The following SH3GL3 variants were observed in gnomAD, a reference collection of about 807,000 sequenced individuals.
SH3GL3 encodes SH3 domain containing GRB2 like 3, endophilin A3.
Under a neutral mutation model 47.7 loss-of-function variants are expected in SH3GL3, and 33 were observed. The ratio of observed to expected loss-of-function variants is 0.69; its 90% CI spans 0.52 to 0.92. SH3GL3 has a LOEUF of 0.92. Among genes scored for constraint, SH3GL3 ranks in the 40% least tolerant of loss-of-function variants. The pLI is 0.00. For missense variants in SH3GL3, 363 were observed against 417.8 expected, an observed-to-expected ratio of 0.87 and a Z score of 1.14; for synonymous variants, 155 against 148.8, an observed-to-expected ratio of 1.04 and a Z score of -0.30.
chr15:83,475,919 T>C (rs987529701), intron 1 of SH3GL3, among the ~76,000 whole-genome samples: 3 of 152,230 alleles, frequency 2.0e-5, no homozygotes, highest in African/African-American at 7.2e-5. Flanking sequence ...AGTAAGGATT[T>C]CTAAACATTT....
At chr15:83,581,508 A>T (rs1030077570) in intron 6 of SH3GL3, among the ~76,000 whole-genome samples, 1 of 152,200 alleles carries the variant, frequency 6.6e-6, no homozygotes, top group African/African-American at 2.4e-5. Flanking sequence ...TGCAGAGACC[A>T]CAAAGCCAGA....
rs551099898 is a variant in SH3GL3, at chr15:83,448,664, A to T, written c.45+1086A>T. 6.6e-5 allele frequency among the ~76,000 whole-genome samples: 10 copies of T among 152,230 alleles called. No homozygotes were observed. The South Asian group carries it at 1.9e-3, about 28-fold the overall frequency. On this transcript the variant is annotated intron_variant, in intron 1 of 8. Coordinates refer to ENST00000427482, the MANE Select transcript of SH3GL3 (RefSeq NM_003027.5). This position sits in a 1 kb window ranked among gnomAD's most constrained non-coding sequence, Gnocchi z 4.2. The stretch of plus-strand genomic sequence containing the variant: ...GGTAGACAGATTTCATTCAACGTCC[A>T]CATTTGTGGTGAGGTCTCATCCTGC...
rs1162132813 is a variant in SH3GL3, at chr15:83,447,505, CCA to C, written c.-27_-26del. ...CGCGTGGCCCAGCCGAGCCTTGAGACCACCCCGCCCCTGCCGGTCGCAGTCGC... is the reference window on the plus strand; with the variant it reads ...CGCGTGGCCCAGCCGAGCCTTGAGACCCCCGCCCCTGCCGGTCGCAGTCGC... On this transcript the variant is annotated 5_prime_UTR_variant, in exon 1 of 9. Coordinates refer to ENST00000427482, the MANE Select transcript of SH3GL3 (RefSeq NM_003027.5). The surrounding 1 kb of genome is among the most constrained non-coding windows in gnomAD (Gnocchi z 5.1). The C allele has an allele frequency of 6.7e-7, 1 of 1,492,270 alleles. No homozygotes were observed. The highest frequency in any genetic ancestry group is 1.5e-5 in the African/African-American group (1 of 68,574). 92.4% of individuals were successfully genotyped at this position (1,492,270 alleles called of 1,614,324 possible). A position where few individuals can be genotyped will look rare whatever the true frequency, so the allele number is the denominator to read the frequency against.
chr15:83,447,610 G>A lies in SH3GL3; in HGVS notation c.45+32G>A, dbSNP rs1276878334. The A allele has an allele frequency of 6.9e-7, 1 of 1,457,690 alleles. No homozygotes were observed. Among genetic ancestry groups the A allele is most frequent in the African/African-American group, 1.5e-5 (1 of 68,042 alleles). The allele number at this position is 1,457,690 out of a possible 1,614,324, so 90.3% of individuals were successfully genotyped here. A position where few individuals can be genotyped will look rare whatever the true frequency, so the allele number is the denominator to read the frequency against. ...AGGCGCAGAGGAGGGAAGGAGGGAG[G>A]GGGACGCGGAGGCTGCGGCCCCCCG... On this transcript the variant is annotated intron_variant, in intron 1 of 8. Coordinates refer to ENST00000427482, the MANE Select transcript of SH3GL3 (RefSeq NM_003027.5). The surrounding 1 kb of genome is among the most constrained non-coding windows in gnomAD (Gnocchi z 5.1).
chr15:83,496,471 C>T (rs929835488), intron 1 of SH3GL3, among the ~76,000 whole-genome samples: 2 of 151,818 alleles, frequency 1.3e-5, no homozygotes, highest in African/African-American at 2.4e-5. Context: ...TTGGAGTAGA[C>T]ATTAGCCTCA....
intron 1 of SH3GL3, among the ~76,000 whole-genome samples, chr15:83,498,716 C>G (rs754283621): frequency 6.6e-6 from 1 of 152,196 alleles, no homozygotes; most frequent in Non-Finnish European, 1.5e-5. Flanking sequence ...CCTATTTTCT[C>G]TCCTGCTCCA....
chr15:83,485,667 AT>A (rs60951748), intron 1 of SH3GL3, among the ~76,000 whole-genome samples: 7 of 148,690 alleles, frequency 4.7e-5, no homozygotes, highest in African/African-American at 7.4e-5. Flanking sequence ...TTTTGTTGGC[AT>A]TTTTTTTTTA....
At chr15:83,513,630 G>GT (rs2072474397) in intron 1 of SH3GL3, among the ~76,000 whole-genome samples, 1 of 152,054 alleles carries the variant, frequency 6.6e-6, no homozygotes, top group Non-Finnish European at 1.5e-5. Flanking sequence ...ACCGCAGACT[G>GT]TACTTCATGC....
chr15:83,500,121 C>A (rs1473130299), intron 1 of SH3GL3, among the ~76,000 whole-genome samples: 1 of 152,152 alleles, frequency 6.6e-6, no homozygotes, highest in Non-Finnish European at 1.5e-5. Context: ...CACTCACATT[C>A]TGAGTCCAGG....
intron 8 of SH3GL3, among the ~76,000 whole-genome samples, chr15:83,616,782 C>T (rs1184174010): frequency 1.4e-5 from 2 of 144,018 alleles, no homozygotes; most frequent in South Asian, 4.4e-4. Context: ...GAAGAGAAAT[C>T]GAGAAAAACA....
intron 1 of SH3GL3, among the ~76,000 whole-genome samples, chr15:83,461,613 T>G (rs998823234): frequency 7.2e-5 from 11 of 152,126 alleles, no homozygotes; most frequent in Non-Finnish European, 1.3e-4. Context: ...ATTTTTTATT[T>G]TATGACAATG....
At position 83,576,670 on chromosome 15, in the gene SH3GL3, C is replaced by T; in HGVS notation, c.553C>T (p.Gln185Ter). 1 of 1,613,496 alleles carries T rather than the reference C, an allele frequency of 6.2e-7. No homozygotes were observed. The highest frequency in any genetic ancestry group is 8.5e-7 in the Non-Finnish European group (1 of 1,179,596). The change falls in exon 6 of 9, where the codon CAA becomes TAA. Residue 185 changes from glutamine (Q) to a stop codon, truncating the protein, a stop_gained. Coordinates refer to ENST00000427482, the MANE Select transcript of SH3GL3 (RefSeq NM_003027.5). LOFTEE classifies it high-confidence loss of function. ...VGKIPDEEVRQAVEKFEESKE... is the reference protein window; with the variant it reads ...VGKIPDEEVR ...TAAGATACCAGACGAAGAAGTCAGA[C>T]AAGCGGTAGAAAAATTTGAAGAGTC...
chr15:83,503,455 T>G (rs1171912311), intron 1 of SH3GL3, among the ~76,000 whole-genome samples: 1 of 152,220 alleles, frequency 6.6e-6, no homozygotes, highest in African/African-American at 2.4e-5. Context: ...GATATTTAAG[T>G]TGTTACCAGT....
chr15:83,530,884 G>C (rs535757325), intron 1 of SH3GL3, among the ~76,000 whole-genome samples: 3 of 152,226 alleles, frequency 2.0e-5, no homozygotes, highest in African/African-American at 7.2e-5. Context: ...CCTAGGCCAG[G>C]AGATCACATG....
intron 3 of SH3GL3, chr15:83,565,897 T>C (rs2045511616): frequency 2.6e-5 from 4 of 152,186 alleles, no homozygotes; most frequent in South Asian, 4.1e-4. Flanking sequence ...CATTTGAAAA[T>C]TGAGAAAGTA....
At chr15:83,509,770 G>C (rs1655309228) in intron 1 of SH3GL3, among the ~76,000 whole-genome samples, 1 of 152,156 alleles carries the variant, frequency 6.6e-6, no homozygotes, top group Non-Finnish European at 1.5e-5. Flanking sequence ...TGTAGAATAA[G>C]TATAAATTAC....
chr15:83,574,822 C>T (rs2059631461), intron 5 of SH3GL3, among the ~76,000 whole-genome samples: 1 of 152,206 alleles, frequency 6.6e-6, no homozygotes, highest in South Asian at 2.1e-4. Context: ...TCCTTTCACC[C>T]CTTCTCCTGG....
At chr15:83,528,328 G>A (rs1400928326) in intron 1 of SH3GL3, among the ~76,000 whole-genome samples, 1 of 152,112 alleles carries the variant, frequency 6.6e-6, no homozygotes, top group African/African-American at 2.4e-5. Context: ...CCTGTATCTG[G>A]ATGTCTTAAT....
intron 8 of SH3GL3, among the ~76,000 whole-genome samples, chr15:83,590,171 A>G (rs542462712): frequency 7.9e-5 from 12 of 151,506 alleles, no homozygotes; most frequent in South Asian, 2.1e-4. Flanking sequence ...GATATTAATA[A>G]TTTTTTTCCT....
Sources: allele counts gnomAD v4.1 joint callset (sites outside exome capture counted in the v4.1 genomes callset), GRCh38; gene constraint gnomAD v4.1.1; non-coding constraint Gnocchi (gnomAD v3.1); transcripts MANE v1.5; gene names NCBI Gene and HGNC (gene_info 2026-07-23, HGNC 2026-07-21).